The following DIAPH2 variants were observed in gnomAD, a reference collection of about 807,000 sequenced individuals.
The protein encoded by DIAPH2 is diaphanous related formin 2, also known as protein diaphanous homolog 2.
DIAPH2 carries 35 observed loss-of-function variants against 92.7 expected under a neutral mutation model. The observed-to-expected ratio is 0.38, with a 90% confidence interval of 0.29 to 0.50. DIAPH2 has a LOEUF of 0.50. Among genes scored for constraint, DIAPH2 ranks in the 20% least tolerant of loss-of-function variants. The pLI, the probability that DIAPH2 is intolerant of heterozygous loss-of-function variation, is 0.94. For synonymous variants in DIAPH2, 301 were observed against 280.4 expected, an observed-to-expected ratio of 1.07 and a Z score of -0.73; for missense variants, 701 against 819.5, an observed-to-expected ratio of 0.86 and a Z score of 1.77.
intron 26 of DIAPH2, among the ~76,000 whole-genome samples, chrX:97,571,697 C>A (rs967685637): frequency 9.1e-6 from 1 of 110,176 alleles, no homozygotes; most frequent in Non-Finnish European, 1.9e-5. Flanking sequence ...CCTTTGCTTT[C>A]ATATGGCATG....
At chrX:96,992,962 T>C in intron 17 of DIAPH2, among the ~76,000 whole-genome samples, 1 of 112,652 alleles carries the variant, frequency 8.9e-6, no homozygotes, top group Non-Finnish European at 1.9e-5. Flanking sequence ...ACAAACAAGT[T>C]ACAATGACTT....
chrX:96,980,998 C>CAAAAAAA lies in DIAPH2; in HGVS notation c.2050+15810_2050+15816dup, dbSNP rs1204120424. 1.9e-3 allele frequency among the ~76,000 whole-genome samples: 86 copies of CAAAAAAA among 45,510 alleles called. 2 individuals are homozygous for CAAAAAAA. Among genetic ancestry groups the CAAAAAAA allele is most frequent in the African/African-American group, 7.7e-3 (82 of 10,716 alleles). 39.5% of individuals were successfully genotyped at this position (45,510 alleles called of 115,157 possible). A position where few individuals can be genotyped will look rare whatever the true frequency, so the allele number is the denominator to read the frequency against. On this transcript the variant is annotated intron_variant, in intron 17 of 26. Coordinates refer to ENST00000324765, the MANE Select transcript of DIAPH2 (RefSeq NM_006729.5). The stretch of plus-strand genomic sequence containing the variant: ...CAACATGGTGAAACCCCATCTCTAC[C>CAAAAAAA]AAAAAAAAAAAAAAAAAAAAAAAAA...
chrX:97,587,509 A>G (rs1457012945), intron 26 of DIAPH2, among the ~76,000 whole-genome samples: 4 of 111,707 alleles, frequency 3.6e-5, no homozygotes, highest in Non-Finnish European at 7.5e-5. Context: ...TCAAGGGCAT[A>G]AAAAAAATAC....
At chrX:97,112,976 C>T (rs112678998) in intron 20 of DIAPH2, among the ~76,000 whole-genome samples, 5 of 107,766 alleles carry the variant, frequency 4.6e-5, no homozygotes, top group African/African-American at 1.4e-4. Flanking sequence ...GACAGGGTTT[C>T]GCCACGTTGG....
intron 26 of DIAPH2, among the ~76,000 whole-genome samples, chrX:97,500,760 G>GGA (rs1283679639): frequency 1.1e-4 from 5 of 45,151 alleles, no homozygotes; most frequent in Admixed American, 7.3e-4. Flanking sequence ...AGCCATTCAA[G>GGA]GAGATATATA....
At chrX:97,056,469 G>C (rs2066557841) in intron 17 of DIAPH2, among the ~76,000 whole-genome samples, 1 of 111,749 alleles carries the variant, frequency 8.9e-6, no homozygotes, top group African/African-American at 3.3e-5. Flanking sequence ...TAAAGGGCTA[G>C]CTCAGAAAAC....
intron 17 of DIAPH2, among the ~76,000 whole-genome samples, chrX:97,008,430 T>C (rs2066199856): frequency 9.0e-6 from 1 of 111,644 alleles, no homozygotes; most frequent in African/African-American, 3.3e-5. Context: ...GATGCCTTAA[T>C]TCATTTATTG....
intron 4 of DIAPH2, among the ~76,000 whole-genome samples, chrX:96,824,207 G>A (rs996911231): frequency 9.0e-6 from 1 of 110,614 alleles, no homozygotes; most frequent in African/African-American, 3.3e-5. Flanking sequence ...GCCAGGTTTT[G>A]TGCTCTTTTA....
intron 19 of DIAPH2, among the ~76,000 whole-genome samples, chrX:97,097,969 CATATTT>C (rs1162538687): frequency 3.6e-5 from 4 of 111,325 alleles, no homozygotes; most frequent in African/African-American, 1.3e-4. Context: ...TGGTTATATC[CATATTT>C]ATATTTTAGT....
At chrX:97,106,356 A>G (rs952207633) in intron 20 of DIAPH2, among the ~76,000 whole-genome samples, 18 of 111,607 alleles carry the variant, frequency 1.6e-4, no homozygotes, top group African/African-American at 5.5e-4. Context: ...CAGGTAAAAG[A>G]AAACTCACCA....
At chrX:97,073,786 T>C (rs1271261401) in intron 18 of DIAPH2, among the ~76,000 whole-genome samples, 4 of 112,436 alleles carry the variant, frequency 3.6e-5, no homozygotes, top group Non-Finnish European at 7.5e-5. Context: ...TAGGGAATCA[T>C]TACAATAAAC....
chrX:97,586,233 C>A (rs2071478973), intron 26 of DIAPH2, among the ~76,000 whole-genome samples: 1 of 111,332 alleles, frequency 9.0e-6, no homozygotes, highest in Non-Finnish European at 1.9e-5. Context: ...ATTGACAAAT[C>A]CCTAACTGAA....
At chrX:96,918,737 C>G (rs2065521796) in intron 9 of DIAPH2, 120 bp downstream of exon 9, 2 of 456,818 alleles carry the variant, frequency 4.4e-6, no homozygotes, top group Admixed American at 1.0e-4. Flanking sequence ...AAAATTTTTT[C>G]TGTTGCTAGT....
intron 3 of DIAPH2, 134 bp from the exon 4 acceptor site, chrX:96,758,020 A>T: frequency 1.9e-6 from 1 of 527,861 alleles, no homozygotes; most frequent in Non-Finnish European, 2.9e-6. Flanking sequence ...AAGTATCCCA[A>T]AAAAGGATTT....
chrX:97,302,093 G>C (rs2068711376), intron 23 of DIAPH2, among the ~76,000 whole-genome samples: 1 of 105,593 alleles, frequency 9.5e-6, no homozygotes, highest in Admixed American at 1.0e-4. Context: ...CGTGCCTGTA[G>C]TCCCAGCTAT....
rs1016825401 is a variant in DIAPH2 at position 97,368,141 on chromosome X, G to A, written c.3010-15768G>A. ...TAACTTGACTTGATTCCATTGCTTTGCCATCCTTAATGTAAACTTCTTTTT... is the reference window on the plus strand; with the variant it reads ...TAACTTGACTTGATTCCATTGCTTTACCATCCTTAATGTAAACTTCTTTTT... On this transcript the variant is annotated intron_variant, in intron 24 of 26. Transcript: ENST00000324765. Among the ~76,000 whole-genome samples, 3 of 112,180 alleles carry A rather than the reference G, an allele frequency of 2.7e-5. No homozygotes were observed. The East Asian group carries it at 8.3e-4, about 31-fold the overall frequency.
At chrX:97,194,335 G>A (rs1205157564) in intron 22 of DIAPH2, among the ~76,000 whole-genome samples, 1 of 103,926 alleles carries the variant, frequency 9.6e-6, no homozygotes, top group African/African-American at 3.5e-5. Context: ...AGGCTGGAGT[G>A]CAGTGGCGTG....
chrX:96,749,327 G>T (rs1184439370), intron 3 of DIAPH2, among the ~76,000 whole-genome samples: 1 of 110,023 alleles, frequency 9.1e-6, no homozygotes, highest in Admixed American at 9.8e-5. Flanking sequence ...TCATACAGAA[G>T]TCTTTGCTGT....
chrX:96,686,392 GA>G (rs113258421), intron 1 of DIAPH2, among the ~76,000 whole-genome samples: 22 of 102,452 alleles, frequency 2.1e-4, no homozygotes, highest in Non-Finnish European at 2.2e-4. Context: ...ATGCTTTCGA[GA>G]AAAAAAAAAA....
Sources: gnomAD v4.1 joint callset for allele counts (sites outside exome capture counted in the v4.1 genomes callset) on GRCh38, gnomAD v4.1.1 for gene constraint, MANE v1.5 for transcripts, NCBI Gene and HGNC (gene_info 2026-07-23, HGNC 2026-07-21) for gene names.